TGFBRAP1: variants seen among roughly 807,000 people sequenced by gnomAD.
TGFBRAP1 encodes the protein transforming growth factor beta receptor associated protein 1.
In TGFBRAP1, 20 loss-of-function variants were observed where a neutral mutation model predicts 83.2. That is an observed-to-expected ratio of 0.24 (90% CI 0.17 to 0.35). The LOEUF (loss-of-function observed/expected upper bound fraction) is 0.35. TGFBRAP1 is among the 10% of genes least tolerant of loss of function. The pLI is 1.00. For missense variants in TGFBRAP1, 950 were observed against 1,099.4 expected (o/e 0.86, Z 1.92); for synonymous variants, 415 against 459.8 (o/e 0.90, Z 1.25).
intron 1 of TGFBRAP1, among the ~76,000 whole-genome samples, chr2:105,323,961 T>C (rs1028055329): frequency 1.3e-5 from 2 of 152,046 alleles, no homozygotes; most frequent in Admixed American, 1.3e-4. Flanking sequence ...TGAGGGATGG[T>C]CTACAAAATC....
At chr2:105,301,448 A>G (rs1448513595) in intron 2 of TGFBRAP1, among the ~76,000 whole-genome samples, 4 of 151,782 alleles carry the variant, frequency 2.6e-5, no homozygotes, top group Admixed American at 6.6e-5. Flanking sequence ...TTAGCCAGGA[A>G]TGATGGCACC....
intron 8 of TGFBRAP1, among the ~76,000 whole-genome samples, chr2:105,273,920 G>A (rs1677246212): frequency 6.6e-6 from 1 of 152,010 alleles, no homozygotes; most frequent in African/African-American, 2.4e-5. Flanking sequence ...AAGGCCAGAG[G>A]GCAAAAAATC....
intron 10 of TGFBRAP1, 128 bp downstream of exon 10, chr2:105,272,727 A>G: frequency 7.9e-7 from 1 of 1,266,634 alleles, no homozygotes; most frequent in Admixed American, 2.7e-5. Flanking sequence ...ATCTTTTTAA[A>G]AAAAGAGGCT....
intron 5 of TGFBRAP1, among the ~76,000 whole-genome samples, chr2:105,281,997 C>T (rs1418674291): frequency 1.3e-5 from 2 of 152,182 alleles, no homozygotes; most frequent in African/African-American, 2.4e-5. Context: ...GTCTACAGTG[C>T]CACAGCTGAG....
chr2:105,295,607 T>C (rs1187272677), intron 4 of TGFBRAP1, among the ~76,000 whole-genome samples: 1 of 151,960 alleles, frequency 6.6e-6, no homozygotes, highest in Non-Finnish European at 1.5e-5. Flanking sequence ...GGTCAAGGGA[T>C]CGAGACCATC....
At chr2:105,304,628 C>A (rs1215276794) in intron 2 of TGFBRAP1, among the ~76,000 whole-genome samples, 1 of 152,158 alleles carries the variant, frequency 6.6e-6, no homozygotes, top group Non-Finnish European at 1.5e-5. Context: ...ACTAAGAACA[C>A]AAAAATTAGC....
intron 1 of TGFBRAP1, among the ~76,000 whole-genome samples, chr2:105,318,155 A>C (rs1678944069): frequency 1.3e-5 from 2 of 152,200 alleles, no homozygotes; most frequent in Non-Finnish European, 2.9e-5. Context: ...CAGGGCAAAG[A>C]AAGTCCACAG....
chr2:105,288,613 T>A (rs1280316118), intron 4 of TGFBRAP1, among the ~76,000 whole-genome samples: 1 of 152,222 alleles, frequency 6.6e-6, no homozygotes, highest in East Asian at 1.9e-4. Flanking sequence ...TTCTTGTAAG[T>A]ACAGCTAAAT....
chr2:105,267,581 G>A (rs752346156), intron 11 of TGFBRAP1, 22 bp from the exon 12 acceptor site: 3 of 1,613,788 alleles, frequency 1.9e-6, no homozygotes, highest in Middle Eastern at 1.6e-4. Context: ...AACCAAGACT[G>A]AGAATGCTGT....
chr2:105,289,813 C>G (rs1030381279), intron 4 of TGFBRAP1, among the ~76,000 whole-genome samples: 1 of 152,172 alleles, frequency 6.6e-6, no homozygotes, highest in African/African-American at 2.4e-5. Flanking sequence ...AAATACACTT[C>G]TGAGTATAGA....
intron 6 of TGFBRAP1, among the ~76,000 whole-genome samples, 167 bp downstream of exon 6, chr2:105,280,215 G>A (rs1164191243): frequency 1.3e-5 from 2 of 152,162 alleles, no homozygotes; most frequent in Non-Finnish European, 2.9e-5. Flanking sequence ...GGCATCTGAG[G>A]AGCACATGCA....
chr2:105,249,670 A>G, the TGFBRAP1 span: 1 of 152,248 alleles, frequency 6.6e-6, no homozygotes, highest in Non-Finnish European at 1.5e-5. Flanking sequence ...AAAAATTACT[A>G]TTTAAAATAA....
At chr2:105,287,963 A>G (rs1036768955) in intron 4 of TGFBRAP1, among the ~76,000 whole-genome samples, 2 of 152,116 alleles carry the variant, frequency 1.3e-5, no homozygotes, top group Non-Finnish European at 2.9e-5. Context: ...CAGTTCCTCA[A>G]ACATGGGGCC....
chr2:105,262,766 T>C (rs538496948), downstream of TGFBRAP1, among the ~76,000 whole-genome samples: 1 of 152,342 alleles, frequency 6.6e-6, no homozygotes, highest in African/African-American at 2.4e-5. Flanking sequence ...GACTCTGGAC[T>C]GCAGGCTGAA....
chr2:105,270,073 A>G (rs999442708), intron 10 of TGFBRAP1, among the ~76,000 whole-genome samples: 1 of 152,162 alleles, frequency 6.6e-6, no homozygotes, highest in African/African-American at 2.4e-5. Context: ...TCCTCCCAGG[A>G]CAGTATCTTT....
intron 9 of TGFBRAP1, 51 bp downstream of exon 9, chr2:105,273,493 A>G: frequency 6.2e-7 from 1 of 1,602,754 alleles, no homozygotes; most frequent in Non-Finnish European, 8.5e-7. Flanking sequence ...GTTCTAGTTC[A>G]ATTCCGTCTC....
chr2:105,250,614 C>A, the TGFBRAP1 span, among the ~76,000 whole-genome samples: 1 of 111,780 alleles, frequency 8.9e-6, no homozygotes, highest in African/African-American at 3.7e-5. Context: ...CCCTCTCCCT[C>A]CTCTCCCTCT....
At chr2:105,277,998 G>A (rs943253464) in intron 6 of TGFBRAP1, among the ~76,000 whole-genome samples, 1 of 152,100 alleles carries the variant, frequency 6.6e-6, no homozygotes, top group Admixed American at 6.5e-5. Flanking sequence ...AGTTAAGACT[G>A]CAGTGAGCCC....
At chr2:105,308,951 C>T (rs1194832171) in intron 1 of TGFBRAP1, among the ~76,000 whole-genome samples, 1 of 152,154 alleles carries the variant, frequency 6.6e-6, no homozygotes, top group African/African-American at 2.4e-5. Flanking sequence ...ATAAGGCAGG[C>T]GCATCAGCCT....
Sources: gnomAD v4.1 joint callset for allele counts (sites outside exome capture counted in the v4.1 genomes callset) on GRCh38, gnomAD v4.1.1 for gene constraint, MANE v1.5 for transcripts, NCBI Gene and HGNC (gene_info 2026-07-23, HGNC 2026-07-21) for gene names.